PMP22: variants seen among roughly 807,000 people sequenced by gnomAD.
PMP22 encodes Charcot-Marie-Tooth neuropathy 1A (greatly reduced nerve conduction velocity, hereditary motor sensory neuropathy Ia).
A neutral mutation model predicts 18.9 loss-of-function variants in PMP22; 2 were observed. The observed-to-expected ratio is 0.11, with a 90% confidence interval of 0.04 to 0.33. PMP22 has a LOEUF of 0.33. Among genes scored for constraint, PMP22 ranks in the 10% least tolerant of loss-of-function variants. The probability of loss-of-function intolerance (pLI) is 1.00; values close to 1 mark genes in which losing one functional copy is unlikely to be tolerated. For synonymous variants in PMP22, 95 were observed against 89.2 expected (o/e 1.07, Z -0.37); for missense variants, 169 against 202.2 (o/e 0.84, Z 1.00).
At chr17:15,257,120 A>G (rs1283996670) in intron 3 of PMP22, among the ~76,000 whole-genome samples, 1 of 152,196 alleles carries the variant, frequency 6.6e-6, no homozygotes, top group Non-Finnish European at 1.5e-5. Context: ...CTAAGGAGGC[A>G]TTGTAAATGA....
In PMP22 at chr17:15,242,247, G is replaced by T. The variant is rs183020261; in HGVS notation, c.179-2636C>A. ...CAGCCTGGGCACAGAGAGAGACTCTGTCTCAAAAAAAAAAAAAAAAAAAAA... is the reference window on the plus strand; with the variant it reads ...CAGCCTGGGCACAGAGAGAGACTCTTTCTCAAAAAAAAAAAAAAAAAAAAA... On this transcript the variant is annotated intron_variant, in intron 3 of 4. Coordinates refer to ENST00000312280, the MANE Select transcript of PMP22 (RefSeq NM_000304.4). 2.1e-3 allele frequency among the ~76,000 whole-genome samples: 177 copies of T among 85,624 alleles called. 4 individuals are homozygous for T. In the East Asian group the frequency reaches 0.052, roughly 25 times the overall value. The allele number at this position is 85,624 out of a possible 152,430, so 56.2% of individuals were successfully genotyped here. A position where few individuals can be genotyped will look rare whatever the true frequency, so the allele number is the denominator to read the frequency against.
At chr17:15,250,188 G>C (rs1481838886) in intron 3 of PMP22, among the ~76,000 whole-genome samples, 2 of 152,192 alleles carry the variant, frequency 1.3e-5, no homozygotes, top group African/African-American at 4.8e-5. Context: ...AAAGTGCTGG[G>C]ATTATAGGCG....
At chr17:15,237,345 T>C (rs753007542) in intron 4 of PMP22, among the ~76,000 whole-genome samples, 19 of 152,208 alleles carry the variant, frequency 1.2e-4, no homozygotes, top group Admixed American at 9.8e-4. Flanking sequence ...GTTAAAGAAC[T>C]TAAAGCCGAA....
rs231018 is a variant in PMP22, at chr17:15,262,264, A to C, written c.-34-1503T>G. Among the ~76,000 whole-genome samples, 92,690 of 152,130 alleles carry C rather than the reference A, an allele frequency of 0.61. 29,536 individuals are homozygous for C. Among genetic ancestry groups the C allele is most frequent in the African/African-American group, 0.81 (33,785 of 41,536 alleles). On this transcript the variant is annotated intron_variant, in intron 1 of 4. Transcript: ENST00000312280. ...GCTCTCCTCGTTGTATTACTCCAAG[A>C]CCCATTGGAGGGAAACAGGACACAC...
intron 3 of PMP22, among the ~76,000 whole-genome samples, chr17:15,245,870 G>A (rs1211313362): frequency 2.6e-5 from 4 of 151,942 alleles, no homozygotes; most frequent in Non-Finnish European, 5.9e-5. Flanking sequence ...AAAATTAGCC[G>A]GGCGTGGTGG....
intron 2 of PMP22, chr17:15,260,285 T>A (rs1022034425): frequency 4.2e-5 from 13 of 310,954 alleles, no homozygotes; most frequent in African/African-American, 2.6e-4. Flanking sequence ...CCCATCTGAC[T>A]ATGGTTTGGA....
At chr17:15,244,719 A>G (rs1907642088) in intron 3 of PMP22, among the ~76,000 whole-genome samples, 3 of 152,178 alleles carry the variant, frequency 2.0e-5, no homozygotes, top group Admixed American at 1.3e-4. Context: ...CCAAAAAACT[A>G]TGTAATTGCG....
chr17:15,250,199 T>G (rs1480394708), intron 3 of PMP22, among the ~76,000 whole-genome samples: 2 of 152,150 alleles, frequency 1.3e-5, no homozygotes, highest in African/African-American at 4.8e-5. Flanking sequence ...ATTATAGGCG[T>G]GAGCCACCGC....
chr17:15,235,059 A>G (rs1262472464), intron 4 of PMP22, among the ~76,000 whole-genome samples: 2 of 152,150 alleles, frequency 1.3e-5, no homozygotes, highest in African/African-American at 4.8e-5. Context: ...GCTTTAAGCA[A>G]TCCTCTCACC....
At chr17:15,244,997 A>G (rs1390680596) in intron 3 of PMP22, among the ~76,000 whole-genome samples, 2 of 152,232 alleles carry the variant, frequency 1.3e-5, no homozygotes, top group Non-Finnish European at 2.9e-5. Flanking sequence ...GGCTAGTGGA[A>G]TTCTGGGCAG....
intron 1 of PMP22, 97 bp downstream of exon 1, chr17:15,265,057 C>A (rs1909617775): frequency 6.6e-6 from 1 of 152,286 alleles, no homozygotes; most frequent in Admixed American, 6.5e-5. Flanking sequence ...TCCTGCAATC[C>A]TTTTCATTTG....
chr17:15,231,807 AG>A (rs1430962459), intron 4 of PMP22, among the ~76,000 whole-genome samples: 6 of 152,218 alleles, frequency 3.9e-5, no homozygotes, highest in African/African-American at 1.4e-4. Flanking sequence ...AGAAGGCTAA[AG>A]GGCACTGGAT....
intron 4 of PMP22, among the ~76,000 whole-genome samples, chr17:15,236,685 C>G (rs576455818): frequency 1.3e-5 from 2 of 152,312 alleles, no homozygotes; most frequent in East Asian, 3.9e-4. Flanking sequence ...CTACTTAGCT[C>G]TCTAATTACT....
intron 3 of PMP22, among the ~76,000 whole-genome samples, chr17:15,242,678 G>C (rs988928752): frequency 2.6e-5 from 4 of 152,062 alleles, no homozygotes; most frequent in Non-Finnish European, 5.9e-5. Flanking sequence ...AAAGAAGAAA[G>C]AATATAGATT....
At position 15,230,891 on chromosome 17, in the gene PMP22, A is replaced by G. The variant is rs200563670; in HGVS notation, c.*26T>C. 3.2e-5 allele frequency: 52 copies of G among 1,612,554 alleles called. No homozygotes were observed. In the East Asian group the frequency reaches 1.1e-3, roughly 33 times the overall value. On this transcript the variant is annotated 3_prime_UTR_variant, in exon 5 of 5. Coordinates refer to ENST00000312280, the MANE Select transcript of PMP22 (RefSeq NM_000304.4). ...TCCTCCCTTCCCTATGTACGCTCAGAGCCTCAGACAGACCGTCTGGGCGCC... is the reference window on the plus strand; with the variant it reads ...TCCTCCCTTCCCTATGTACGCTCAGGGCCTCAGACAGACCGTCTGGGCGCC...
At chr17:15,231,866 C>A (rs1324779121) in intron 4 of PMP22, among the ~76,000 whole-genome samples, 1 of 152,116 alleles carries the variant, frequency 6.6e-6, no homozygotes, top group Admixed American at 6.6e-5. Context: ...TGCAGCCCTT[C>A]GGTGTTGGAA....
At chr17:15,241,949 T>C (rs2150680463) in intron 3 of PMP22, among the ~76,000 whole-genome samples, 1 of 152,206 alleles carries the variant, frequency 6.6e-6, no homozygotes, top group Admixed American at 6.5e-5. Flanking sequence ...AACCACATTA[T>C]ATGTGAATGG....
Position 15,242,168 on chromosome 17 carries a change from G to A in PMP22, c.179-2557C>T, listed in dbSNP as rs540623603. Among the ~76,000 whole-genome samples, 6 of 146,932 alleles carry A rather than the reference G, an allele frequency of 4.1e-5. No individual in the cohort carries two copies. In the South Asian group the frequency reaches 1.1e-3, roughly 26 times the overall value. ...ACTTGGGAGGTTGAGGCAGAGAATC[G>A]CTTGAACTCAGGAGGTGGAGGTTGT... On this transcript the variant is annotated intron_variant, in intron 3 of 4. Transcript: ENST00000312280.
At chr17:15,248,305 T>G (rs1263926203) in intron 3 of PMP22, among the ~76,000 whole-genome samples, 5 of 152,174 alleles carry the variant, frequency 3.3e-5, no homozygotes, top group African/African-American at 1.2e-4. Flanking sequence ...CAGGTAATCC[T>G]GGGGGTATTT....
Sources: allele counts gnomAD v4.1 joint callset (sites outside exome capture counted in the v4.1 genomes callset), GRCh38; gene constraint gnomAD v4.1.1; transcripts MANE v1.5; gene names NCBI Gene and HGNC (gene_info 2026-07-23, HGNC 2026-07-21).